The following SH3GL3 variants were observed in gnomAD, a reference collection of about 807,000 sequenced individuals.
The protein encoded by SH3GL3 is SH3 domain containing GRB2 like 3, endophilin A3.
SH3GL3 carries 33 observed loss-of-function variants against 47.7 expected under a neutral mutation model. The observed-to-expected ratio is 0.69, with a 90% CI of 0.52 to 0.92. SH3GL3 has a LOEUF of 0.92. Among genes scored for constraint, SH3GL3 ranks in the 40% least tolerant of loss-of-function variants. SH3GL3 has a pLI of 0.00. For missense variants in SH3GL3, 363 were observed against 417.8 expected (o/e 0.87, Z 1.14); for synonymous variants, 155 against 148.8 (o/e 1.04, Z -0.30).
chr15:83,612,511 C>T (rs1331261045), intron 8 of SH3GL3, among the ~76,000 whole-genome samples: 6 of 152,206 alleles, frequency 3.9e-5, no homozygotes, highest in African/African-American at 1.2e-4. Flanking sequence ...TCACAGGGAG[C>T]GACCAGCCTT....
chr15:83,541,168 C>G (rs538472083), intron 1 of SH3GL3, among the ~76,000 whole-genome samples: 2 of 152,248 alleles, frequency 1.3e-5, no homozygotes, highest in Non-Finnish European at 2.9e-5. Context: ...ATCCATTCAT[C>G]TGTTGATGGA....
At chr15:83,449,714 CT>C (rs11361312) in intron 1 of SH3GL3, among the ~76,000 whole-genome samples, 41,491 of 125,656 alleles carry the variant, frequency 0.33, 5,666 homozygotes, top group Admixed American at 0.43. Flanking sequence ...CTTATTTAGT[CT>C]TTTTTTTTTT....
At chr15:83,591,086 C>T (rs2060083504) in intron 8 of SH3GL3, among the ~76,000 whole-genome samples, 1 of 152,160 alleles carries the variant, frequency 6.6e-6, no homozygotes, top group Non-Finnish European at 1.5e-5. Flanking sequence ...CGGCTCACTG[C>T]AACCTCCGCC....
At chr15:83,591,077 G>A (rs1000022338) in intron 8 of SH3GL3, among the ~76,000 whole-genome samples, 3 of 151,918 alleles carry the variant, frequency 2.0e-5, no homozygotes, top group Non-Finnish European at 4.4e-5. Context: ...GTGCAATCTC[G>A]GCTCACTGCA....
In SH3GL3 at chr15:83,492,421, GA is replaced by G. The variant is rs983056467; in HGVS notation, c.45+44853del. Among the ~76,000 whole-genome samples, 17 of 148,210 alleles carry G rather than the reference GA, an allele frequency of 1.1e-4. No individual in the cohort carries two copies. In the South Asian group the frequency reaches 1.3e-3, roughly 11 times the overall value. On this transcript the variant is annotated intron_variant, in intron 1 of 8. Transcript: ENST00000427482. ...ACCACATTTCTTCAGTAAATACATG[GA>G]AAAAAAAAAGACGGGGGAAGTGGTG...
intron 1 of SH3GL3, among the ~76,000 whole-genome samples, chr15:83,457,956 C>T (rs1229375309): frequency 2.0e-5 from 3 of 151,778 alleles, no homozygotes; most frequent in Admixed American, 6.6e-5. Flanking sequence ...GATTTTTTTC[C>T]CTATTGCTTT....
chr15:83,570,932 C>T (rs1265528510), intron 4 of SH3GL3, among the ~76,000 whole-genome samples: 4 of 152,182 alleles, frequency 2.6e-5, no homozygotes, highest in Non-Finnish European at 5.9e-5. Context: ...ACACTCCTGC[C>T]GTGCATCTGG....
At chr15:83,546,115 G>A (rs568219975) in intron 1 of SH3GL3, among the ~76,000 whole-genome samples, 1 of 152,196 alleles carries the variant, frequency 6.6e-6, no homozygotes, top group East Asian at 1.9e-4. Flanking sequence ...TTTCCCTTCA[G>A]GGCAGTGGAT....
At chr15:83,470,018 A>G (rs991548620) in intron 1 of SH3GL3, among the ~76,000 whole-genome samples, 1 of 152,090 alleles carries the variant, frequency 6.6e-6, no homozygotes, top group Non-Finnish European at 1.5e-5. Flanking sequence ...TAGGATTGCT[A>G]TGTCTACTTG....
At chr15:83,506,978 T>C (rs1347531929) in intron 1 of SH3GL3, among the ~76,000 whole-genome samples, 1 of 151,932 alleles carries the variant, frequency 6.6e-6, no homozygotes, top group Non-Finnish European at 1.5e-5. Context: ...CCTGATTGGT[T>C]GTTACTGAGG....
At chr15:83,473,515 G>A (rs2040933935) in intron 1 of SH3GL3, among the ~76,000 whole-genome samples, 1 of 151,626 alleles carries the variant, frequency 6.6e-6, no homozygotes, top group African/African-American at 2.4e-5. Context: ...ACATTTGCTT[G>A]GTCCCTTGGC....
chr15:83,535,470 A>G (rs2043863412), intron 1 of SH3GL3, among the ~76,000 whole-genome samples: 1 of 152,188 alleles, frequency 6.6e-6, no homozygotes. Context: ...TAGGTCAATG[A>G]TAAAGGTACA....
chr15:83,485,348 G>C (rs1205879893), intron 1 of SH3GL3, among the ~76,000 whole-genome samples: 1 of 152,090 alleles, frequency 6.6e-6, no homozygotes, highest in East Asian at 1.9e-4. Context: ...ACAAGTCTGG[G>C]GAAGAATAAT....
chr15:83,466,291 T>G (rs1475246873), intron 1 of SH3GL3, among the ~76,000 whole-genome samples: 1 of 152,214 alleles, frequency 6.6e-6, no homozygotes, highest in Non-Finnish European at 1.5e-5. Flanking sequence ...GGAAGGACTT[T>G]GGGATTGCTT....
chr15:83,511,844 T>C (rs1374552358), intron 1 of SH3GL3, among the ~76,000 whole-genome samples: 1 of 152,076 alleles, frequency 6.6e-6, no homozygotes, highest in Non-Finnish European at 1.5e-5. Context: ...CCTGCTACCA[T>C]CCCCACCCTG....
At chr15:83,509,786 T>C (rs2042669069) in intron 1 of SH3GL3, among the ~76,000 whole-genome samples, 1 of 152,236 alleles carries the variant, frequency 6.6e-6, no homozygotes, top group Non-Finnish European at 1.5e-5. Context: ...ATTACCCGGT[T>C]ACTGCCTTGA....
downstream of SH3GL3, among the ~76,000 whole-genome samples, chr15:83,620,379 C>A (rs932486280): frequency 5.3e-5 from 8 of 152,176 alleles, no homozygotes; most frequent in African/African-American, 1.9e-4. Flanking sequence ...GTTATGGTAG[C>A]TGTAGCCTTA....
the SH3GL3 span, among the ~76,000 whole-genome samples, chr15:83,625,511 C>A: frequency 1.3e-5 from 2 of 152,208 alleles, no homozygotes; most frequent in Non-Finnish European, 2.9e-5. Context: ...CCAGAGAAGG[C>A]CAGTCAAATT....
intron 8 of SH3GL3, among the ~76,000 whole-genome samples, chr15:83,612,912 A>G (rs1327262165): frequency 6.6e-6 from 1 of 152,216 alleles, no homozygotes; most frequent in African/African-American, 2.4e-5. Flanking sequence ...ATGAAAGCCT[A>G]AAAGCCTTGG....
Sources: gnomAD v4.1 joint callset for allele counts (sites outside exome capture counted in the v4.1 genomes callset) on GRCh38, gnomAD v4.1.1 for gene constraint, MANE v1.5 for transcripts, NCBI Gene and HGNC (gene_info 2026-07-23, HGNC 2026-07-21) for gene names.